RAD18: variants seen among roughly 807,000 people sequenced by gnomAD.
RAD18 encodes RAD18 E3 ubiquitin protein ligase.
RAD18 carries 47 observed loss-of-function variants against 60.4 expected under a neutral mutation model. The observed-to-expected ratio is 0.78, with a 90% CI of 0.62 to 0.99. The LOEUF is 0.99. RAD18 is among the 50% of genes least tolerant of loss of function. The pLI, the probability that RAD18 is intolerant of heterozygous loss-of-function variation, is 0.00. For missense variants in RAD18, 640 were observed against 593.3 expected, an observed-to-expected ratio of 1.08 and a Z score of -0.82; for synonymous variants, 225 against 195.5, an observed-to-expected ratio of 1.15 and a Z score of -1.26.
At chr3:8,894,338 A>G (rs540953833) in intron 11 of RAD18, among the ~76,000 whole-genome samples, 14 of 152,236 alleles carry the variant, frequency 9.2e-5, no homozygotes, top group African/African-American at 1.4e-4. Flanking sequence ...ACTTACTAAT[A>G]TATGCAAAAT....
chr3:8,953,255 TTA>T (rs202190071), intron 2 of RAD18, among the ~76,000 whole-genome samples: 3 of 151,028 alleles, frequency 2.0e-5, no homozygotes, highest in Non-Finnish European at 4.4e-5. Flanking sequence ...TAAGTATACA[TTA>T]TATATATTAT....
intron 7 of RAD18, among the ~76,000 whole-genome samples, chr3:8,917,002 C>T (rs757513991): frequency 5.9e-5 from 9 of 152,040 alleles, no homozygotes; most frequent in Non-Finnish European, 1.0e-4. Context: ...TCAAGCAACA[C>T]AGATATAAAA....
intron 9 of RAD18, among the ~76,000 whole-genome samples, chr3:8,903,655 C>T (rs1474229017): frequency 1.3e-5 from 2 of 152,104 alleles, no homozygotes; most frequent in Non-Finnish European, 2.9e-5. Context: ...ACTGTATGGA[C>T]TTTAGGGCAT....
intron 1 of RAD18, among the ~76,000 whole-genome samples, chr3:8,959,879 C>CAAA (rs71307734): frequency 3.2e-5 from 2 of 63,280 alleles, no homozygotes; most frequent in Non-Finnish European, 6.9e-5. Context: ...GAAACTGTCT[C>CAAA]AAAAAAAAAA....
Position 8,930,011 on chromosome 3 carries a change from T to C in RAD18, c.889+5860A>G, listed in dbSNP as rs558077510. On this transcript the variant is annotated intron_variant, in intron 7 of 12. Transcript: ENST00000264926. Reference sequence around the variant, plus strand: ...GGTGTAGCCACTTTGGACAATAGTCTAGCAATTCCTCAAAATGTTAAAATA... The same window carrying C: ...GGTGTAGCCACTTTGGACAATAGTCCAGCAATTCCTCAAAATGTTAAAATA... Among the ~76,000 whole-genome samples, 5 of 152,362 alleles carry C rather than the reference T, an allele frequency of 3.3e-5. No individual in the cohort carries two copies. The South Asian group carries it at 1.0e-3, about 32-fold the overall frequency.
At chr3:8,960,602 C>A (rs939116187) in intron 1 of RAD18, among the ~76,000 whole-genome samples, 1 of 152,044 alleles carries the variant, frequency 6.6e-6, no homozygotes, top group Non-Finnish European at 1.5e-5. Context: ...AGAAAACAAA[C>A]CTATGCCAAT....
intron 11 of RAD18, among the ~76,000 whole-genome samples, chr3:8,892,865 TTC>T (rs1939717324): frequency 6.6e-6 from 1 of 152,208 alleles, no homozygotes; most frequent in East Asian, 1.9e-4. Context: ...GAGGTCCCAT[TTC>T]TGTTACTTAC....
chr3:8,942,440 C>T (rs992761229), intron 4 of RAD18, among the ~76,000 whole-genome samples: 5 of 152,152 alleles, frequency 3.3e-5, no homozygotes, highest in Admixed American at 3.3e-4. Context: ...CCAATTAAAC[C>T]TCTTTTCTTT....
At chr3:8,907,985 C>T (rs1270320223) in intron 9 of RAD18, among the ~76,000 whole-genome samples, 1 of 152,162 alleles carries the variant, frequency 6.6e-6, no homozygotes, top group Non-Finnish European at 1.5e-5. Flanking sequence ...TACTCCAGTT[C>T]CCACCCACAA....
intron 6 of RAD18, among the ~76,000 whole-genome samples, chr3:8,939,119 C>G (rs1304034518): frequency 6.6e-6 from 1 of 151,852 alleles, no homozygotes. Flanking sequence ...ATTTCCTAGT[C>G]AAAATTTTTT....
At chr3:8,903,185 T>C (rs1939944240) in intron 9 of RAD18, among the ~76,000 whole-genome samples, 1 of 152,146 alleles carries the variant, frequency 6.6e-6, no homozygotes, top group Admixed American at 6.5e-5. Flanking sequence ...CTTCCTCAAA[T>C]ACAAATATGG....
Position 8,896,363 on chromosome 3 carries a change from T to C in RAD18, c.1322+2531A>G, listed in dbSNP as rs970068636. 3.1e-4 allele frequency among the ~76,000 whole-genome samples: 47 copies of C among 152,216 alleles called. 1 individual carries two copies. Among genetic ancestry groups the C allele is most frequent in the Non-Finnish European group, 7.3e-5 (5 of 68,032 alleles). On this transcript the variant is annotated intron_variant, in intron 11 of 12. Transcript: ENST00000264926. ...GAAACTCATAAACCTGTAACTTTAA[T>C]ATGTCACCTGTTCATTTAACTTTTA...
chr3:8,904,589 G>C (rs1252972082), intron 9 of RAD18, among the ~76,000 whole-genome samples: 1 of 152,048 alleles, frequency 6.6e-6, no homozygotes, highest in Non-Finnish European at 1.5e-5. Flanking sequence ...TTACAAACAA[G>C]TGAGATCCTA....
intron 12 of RAD18, among the ~76,000 whole-genome samples, chr3:8,885,316 A>C (rs1328849745): frequency 6.6e-6 from 1 of 152,218 alleles, no homozygotes; most frequent in East Asian, 1.9e-4. Context: ...AATTACAGTA[A>C]TTGTATCATT....
At chr3:8,900,992 T>A (rs1374062987) in intron 10 of RAD18, among the ~76,000 whole-genome samples, 1 of 152,218 alleles carries the variant, frequency 6.6e-6, no homozygotes. Flanking sequence ...CTAAACTAGT[T>A]TCTAGAAATA....
intron 7 of RAD18, among the ~76,000 whole-genome samples, chr3:8,918,176 G>A (rs1241293960): frequency 4.6e-5 from 7 of 152,008 alleles, no homozygotes; most frequent in East Asian, 1.9e-4. Flanking sequence ...AAATTAGCAC[G>A]GCATGGTGGC....
intron 2 of RAD18, among the ~76,000 whole-genome samples, chr3:8,950,224 T>C (rs904487948): frequency 1.3e-5 from 2 of 152,004 alleles, no homozygotes; most frequent in African/African-American, 4.8e-5. Flanking sequence ...TTAGTAGAGA[T>C]GGGGTTTCGC....
At chr3:8,963,255 A>C in intron 1 of RAD18, 80 bp downstream of exon 1, 1 of 1,435,638 alleles carries the variant, frequency 7.0e-7, no homozygotes, top group Non-Finnish European at 9.5e-7. Flanking sequence ...CTTTCTCCTT[A>C]AGGCGAGGAC....
chr3:8,914,619 C>T (rs889043711), intron 7 of RAD18, among the ~76,000 whole-genome samples: 1 of 152,098 alleles, frequency 6.6e-6, no homozygotes, highest in African/African-American at 2.4e-5. Flanking sequence ...ACAAAGTTTA[C>T]GTTTTCTGAG....
Sources: allele counts gnomAD v4.1 joint callset (sites outside exome capture counted in the v4.1 genomes callset), GRCh38; gene constraint gnomAD v4.1.1; transcripts MANE v1.5; gene names NCBI Gene and HGNC (gene_info 2026-07-23, HGNC 2026-07-21).